The following EYS variants were observed in gnomAD, a reference collection of about 807,000 sequenced individuals.
EYS encodes EGF-like photoreceptor maintenance factor, also known as protein eyes shut homolog.
In EYS, 250 loss-of-function variants were observed where a neutral mutation model predicts 282.1. The ratio of observed to expected loss-of-function variants is 0.89; its 90% CI spans 0.80 to 0.98. The LOEUF is 0.98. Among genes scored for constraint, EYS ranks in the 50% least tolerant of loss-of-function variants. The pLI, the probability that EYS is intolerant of heterozygous loss-of-function variation, is 0.00. For synonymous variants in EYS, 1,355 were observed against 1,282.9 expected, an observed-to-expected ratio of 1.06 and a Z score of -1.20; for missense variants, 4,016 against 3,709.0, an observed-to-expected ratio of 1.08 and a Z score of -2.15.
chr6:63,838,225 T>C (rs1164584179), intron 36 of EYS, among the ~76,000 whole-genome samples: 2 of 145,660 alleles, frequency 1.4e-5, no homozygotes, highest in African/African-American at 5.4e-5. Flanking sequence ...TTTCTTTTCT[T>C]TTTTTTTTTC....
intron 19 of EYS, among the ~76,000 whole-genome samples, chr6:64,881,939 T>G (rs1562241017): frequency 6.6e-6 from 1 of 151,880 alleles, no homozygotes; most frequent in East Asian, 1.9e-4. Flanking sequence ...CTATTAATGT[T>G]TGTAATTCAA....
intron 19 of EYS, among the ~76,000 whole-genome samples, chr6:64,874,064 A>T (rs1003575003): frequency 5.9e-5 from 9 of 152,080 alleles, no homozygotes; most frequent in Non-Finnish European, 8.8e-5. Context: ...TTTAAATTTG[A>T]CCAGTTTGTA....
chr6:64,472,078 T>C (rs1447132746), intron 26 of EYS, among the ~76,000 whole-genome samples: 4 of 152,352 alleles, frequency 2.6e-5, no homozygotes, highest in African/African-American at 9.6e-5. Flanking sequence ...GTTTGCTTTA[T>C]AGTAATTCTG....
chr6:65,203,717 A>T (rs1045111322), intron 12 of EYS, among the ~76,000 whole-genome samples: 1 of 152,224 alleles, frequency 6.6e-6, no homozygotes, highest in Non-Finnish European at 1.5e-5. Context: ...CTAGCAATGG[A>T]TCATAACCAA....
At chr6:64,355,394 T>C (rs1771789944) in intron 29 of EYS, among the ~76,000 whole-genome samples, 1 of 151,592 alleles carries the variant, frequency 6.6e-6, no homozygotes, top group East Asian at 1.9e-4. Flanking sequence ...AGAATTAAGA[T>C]AACATTAAAA....
chr6:65,247,967 A>G (rs1562048339), intron 12 of EYS, among the ~76,000 whole-genome samples: 1 of 152,082 alleles, frequency 6.6e-6, no homozygotes, highest in Non-Finnish European at 1.5e-5. Flanking sequence ...TAAAACCTGT[A>G]TAATACATTA....
At chr6:63,965,331 G>A (rs935039054) in intron 35 of EYS, among the ~76,000 whole-genome samples, 1 of 152,162 alleles carries the variant, frequency 6.6e-6, no homozygotes, top group African/African-American at 2.4e-5. Context: ...AGAAAAGGTC[G>A]TGTGATCCCA....
intron 36 of EYS, among the ~76,000 whole-genome samples, chr6:63,863,675 C>CTTT (rs1284326554): frequency 6.7e-5 from 4 of 60,040 alleles, no homozygotes; most frequent in Admixed American, 1.8e-4. Context: ...TTTCTTTTTT[C>CTTT]TTTTTTTTTT....
At chr6:64,005,737 T>C (rs1316316979) in intron 33 of EYS, among the ~76,000 whole-genome samples, 3 of 152,138 alleles carry the variant, frequency 2.0e-5, no homozygotes, top group East Asian at 1.9e-4. Flanking sequence ...TCCTTTCCCA[T>C]TGCTTTTTTT....
chr6:64,566,199 C>T (rs918111646), intron 26 of EYS, among the ~76,000 whole-genome samples: 2 of 151,986 alleles, frequency 1.3e-5, no homozygotes, highest in African/African-American at 4.8e-5. Context: ...TTTAGTTTAC[C>T]TTATCTCACT....
chr6:65,127,346 C>T (rs1365618562), intron 12 of EYS, among the ~76,000 whole-genome samples: 2 of 152,118 alleles, frequency 1.3e-5, no homozygotes, highest in African/African-American at 4.8e-5. Flanking sequence ...TAAGACTTTA[C>T]ATAACACCCA....
chr6:64,825,229 T>A (rs1246954955), intron 19 of EYS, among the ~76,000 whole-genome samples: 1 of 151,978 alleles, frequency 6.6e-6, no homozygotes, highest in East Asian at 1.9e-4. Context: ...TGAGGACTAT[T>A]CAACCACACA....
intron 22 of EYS, among the ~76,000 whole-genome samples, chr6:64,731,665 A>C (rs1156848548): frequency 6.6e-6 from 1 of 152,166 alleles, no homozygotes; most frequent in Non-Finnish European, 1.5e-5. Context: ...GAAACAACAG[A>C]TGCTGGAGAG....
At chr6:65,494,589 G>T in intron 4 of EYS, 74 bp downstream of exon 4, 1 of 1,362,182 alleles carries the variant, frequency 7.3e-7, no homozygotes, top group South Asian at 1.3e-5. Context: ...AATGTACTTT[G>T]ATTTCTGTTA....
intron 36 of EYS, among the ~76,000 whole-genome samples, chr6:63,861,778 A>G (rs1190700458): frequency 6.6e-6 from 1 of 152,198 alleles, no homozygotes; most frequent in Non-Finnish European, 1.5e-5. Context: ...AGTCCCTTCC[A>G]TGTGAGGACA....
At chr6:63,837,442 G>C (rs1771838139) in intron 36 of EYS, among the ~76,000 whole-genome samples, 1 of 151,958 alleles carries the variant, frequency 6.6e-6, no homozygotes, top group African/African-American at 2.4e-5. Flanking sequence ...GCAAATATAT[G>C]TCCAGAGAGT....
At chr6:64,875,151 C>G (rs73767144) in intron 19 of EYS, among the ~76,000 whole-genome samples, 5,682 of 152,100 alleles carry the variant, frequency 0.037, 190 homozygotes, top group East Asian at 0.16. Context: ...CCCCAATCTT[C>G]CAAGAAGCCA....
At chr6:65,026,062 A>T (rs2224207) in intron 13 of EYS, among the ~76,000 whole-genome samples, 2 of 152,106 alleles carry the variant, frequency 1.3e-5, no homozygotes, top group African/African-American at 4.8e-5. Flanking sequence ...TTCATCAGTC[A>T]TTACTTTTCT....
At chr6:64,852,183 G>A (rs1160353399) in intron 19 of EYS, among the ~76,000 whole-genome samples, 1 of 152,014 alleles carries the variant, frequency 6.6e-6, no homozygotes, top group Non-Finnish European at 1.5e-5. Context: ...TGGATTGAAG[G>A]ATGCAAAGTA....
Sources: gnomAD v4.1 joint callset for allele counts (sites outside exome capture counted in the v4.1 genomes callset) on GRCh38, gnomAD v4.1.1 for gene constraint, MANE v1.5 for transcripts, NCBI Gene and HGNC (gene_info 2026-07-23, HGNC 2026-07-21) for gene names.